Variants in MYLK3 observed in about 807,000 individuals in gnomAD.
MYLK3 encodes myosin light chain kinase 3.
MYLK3 carries 55 observed loss-of-function variants against 76.3 expected under a neutral mutation model. The ratio of observed to expected loss-of-function variants is 0.72; its 90% confidence interval spans 0.58 to 0.90. The LOEUF (loss-of-function observed/expected upper bound fraction) is 0.90. MYLK3 is among the 40% of genes least tolerant of loss of function. The probability of loss-of-function intolerance (pLI) is 0.00; values close to 1 mark genes in which losing one functional copy is unlikely to be tolerated. For synonymous variants in MYLK3, 416 were observed against 425.4 expected (o/e 0.98, Z 0.27); for missense variants, 973 against 1,053.6 (o/e 0.92, Z 1.06).
chr16:46,732,467 G>A lies in MYLK3; in HGVS notation c.1203C>T (p.Ser401=), dbSNP rs760875456. The A allele has an allele frequency of 1.9e-6, 3 of 1,611,286 alleles. No individual in the cohort carries two copies. Among genetic ancestry groups the A allele is most frequent in the Non-Finnish European group, 2.5e-6 (3 of 1,179,994 alleles). The change falls in exon 4 of 13, where the codon TCC becomes TCT. Residue 401 remains serine (S), a synonymous_variant. Transcript: ENST00000394809. ...EQTPEGAREL[S]PLQESSSPGG... ...CGGGGCTGCTGCTCTCCTGCAGCGGGGAGAGCTCTCTGGCTCCTTCAGGGG... is the reference window on the plus strand; with the variant it reads ...CGGGGCTGCTGCTCTCCTGCAGCGGAGAGAGCTCTCTGGCTCCTTCAGGGG...
At chr16:46,751,667 G>T (rs1191872458), upstream of MYLK3, among the ~76,000 whole-genome samples, 2 of 152,170 alleles carry the variant, frequency 1.3e-5, no homozygotes, top group African/African-American at 4.8e-5. Flanking sequence ...TGTGGAAGGA[G>T]GAGGCCTCAA....
At position 46,732,623 on chromosome 16, in the gene MYLK3, C is replaced by G. The variant is rs777509550; in HGVS notation, c.1047G>C (p.Leu349=). ...GTCCAAGGCTGCCCCTGCCTGTCAT[C>G]AGCATCTCCCCAGGAGTATCCATCT... ...IQEMDTPGEM[L]MTGRGSLGPT... Residue 349 remains leucine, a synonymous_variant, in exon 4 of 13, where the codon CTG becomes CTC. Coordinates refer to ENST00000394809, the MANE Select transcript of MYLK3 (RefSeq NM_182493.3). 7.0e-6 allele frequency: 11 copies of G among 1,568,768 alleles called. No homozygotes were observed. Among genetic ancestry groups the G allele is most frequent in the Non-Finnish European group, 9.4e-6 (11 of 1,164,106 alleles).
chr16:46,748,297 C>T lies in MYLK3; in HGVS notation c.-104G>A. 2 of 1,458,394 alleles carry T rather than the reference C, an allele frequency of 1.4e-6. No homozygotes were observed. Among genetic ancestry groups the T allele is most frequent in the Non-Finnish European group, 1.8e-6 (2 of 1,108,786 alleles). The allele number at this position is 1,458,394 out of a possible 1,614,324, so 90.3% of individuals were successfully genotyped here. On this transcript the variant is annotated 5_prime_UTR_variant, in exon 1 of 13. Coordinates refer to ENST00000394809, the MANE Select transcript of MYLK3 (RefSeq NM_182493.3). The surrounding 1 kb of genome is among the most constrained non-coding windows in gnomAD (Gnocchi z 4.3). ...TCTGCAAGGTCATTGTCCTCCGTAGCTGACAGACTCCTGGCAGCACCAACC... is the reference window on the plus strand; with the variant it reads ...TCTGCAAGGTCATTGTCCTCCGTAGTTGACAGACTCCTGGCAGCACCAACC...
chr16:46,727,386 G>A lies in MYLK3; in HGVS notation c.1773-9C>T. ...GCTCACCCCCGTCCACGCTGCCAGA[G>A]CAAAGGGAGAGGCAGGCACCAGCCT... On this transcript the variant is annotated splice_polypyrimidine_tract_variant and intron_variant, in intron 7 of 12. Transcript: ENST00000394809. 6.2e-7 allele frequency: 1 copy of A among 1,600,600 alleles called. No individual in the cohort carries two copies. The highest frequency in any genetic ancestry group is 1.3e-5 in the African/African-American group (1 of 74,866).
intron 9 of MYLK3, among the ~76,000 whole-genome samples, chr16:46,718,568 C>T (rs926271230): frequency 6.6e-6 from 1 of 152,214 alleles, no homozygotes; most frequent in South Asian, 2.1e-4. Flanking sequence ...TGAGCTCAGG[C>T]GCGCGGCTCT....
Position 46,712,701 on chromosome 16 carries a change from C to T in MYLK3, c.2061G>A (p.Glu687=). Residue 687 remains glutamate (E), a synonymous_variant, in exon 10 of 13, where the codon GAG becomes GAA. Transcript: ENST00000394809. ...ACATGTCTGTGGGGAATGAGACAAACTCATAATTGACGACTTCTGGGGCCA... is the reference window on the plus strand; with the variant it reads ...ACATGTCTGTGGGGAATGAGACAAATTCATAATTGACGACTTCTGGGGCCA... ...EFLAPEVVNY[E]FVSFPTDMWS... The T allele has an allele frequency of 1.3e-6, 2 of 1,597,364 alleles. No homozygotes were observed. The highest frequency in any genetic ancestry group is 1.7e-5 in the Admixed American group (1 of 57,952).
intron 3 of MYLK3, among the ~76,000 whole-genome samples, chr16:46,737,335 G>A (rs1044979061): frequency 6.6e-6 from 1 of 152,226 alleles, no homozygotes; most frequent in African/African-American, 2.4e-5. Context: ...CTCAGGGGCA[G>A]GTGCTCCGTG....
chr16:46,721,286 A>C, intron 8 of MYLK3, 93 bp from the exon 9 acceptor site: 1 of 1,220,328 alleles, frequency 8.2e-7, no homozygotes, highest in South Asian at 1.2e-5. Flanking sequence ...TCCAGCCTTC[A>C]AGGGACATGA....
intron 1 of MYLK3, chr16:46,757,521 G>T (rs1967216408): frequency 1.0e-6 from 1 of 985,314 alleles, no homozygotes; most frequent in East Asian, 1.1e-4. Context: ...ATCAGCCACT[G>T]TGACTGTGCC....
At position 46,754,901 on chromosome 16, in the gene MYLK3, C is replaced by CT. The variant is rs35429909; in HGVS notation, c.-114+8138dup. ...TTTGCAAAAATGCAAACAATTCGTG[C>CT]TTTTTTTTTTTTTGAGACATGGTCT... On this transcript the variant is annotated intron_variant, in intron 1 of 11. Coordinates refer to the MYLK3 transcript ENST00000536476. Among the ~76,000 whole-genome samples, 631 of 144,004 alleles carry CT rather than the reference C, an allele frequency of 4.4e-3. 2 individuals carry two copies. Among genetic ancestry groups the CT allele is most frequent in the Non-Finnish European group, 5.4e-3 (355 of 65,280 alleles). The allele number at this position is 144,004 out of a possible 152,430, so 94.5% of individuals were successfully genotyped here.
In MYLK3 at chr16:46,729,808, T is replaced by G. The variant is rs1247195749; in HGVS notation, c.1569-121A>C. 10 of 823,016 alleles carry G rather than the reference T, an allele frequency of 1.2e-5. No homozygotes were observed. The East Asian group carries it at 2.3e-4, about 19-fold the overall frequency. The allele number at this position is 823,016 out of a possible 1,614,324, so 51.0% of individuals were successfully genotyped here. A position where few individuals can be genotyped will look rare whatever the true frequency, so the allele number is the denominator to read the frequency against. ...ATGTGGACCATCCTACATCCCAGAG[T>G]GCAGCCTGTCATCACCCCAAAACCC... On this transcript the variant is annotated intron_variant, in intron 5 of 12. Transcript: ENST00000394809.
intron 9 of MYLK3, among the ~76,000 whole-genome samples, chr16:46,718,756 A>C (rs1197070572): frequency 6.6e-6 from 1 of 152,092 alleles, no homozygotes; most frequent in Non-Finnish European, 1.5e-5. Context: ...ACTTGAAGTC[A>C]GGAGTTCAAG....
rs1966698540 is a variant in MYLK3, at chr16:46,712,867, C to T, written c.1986-91G>A. On this transcript the variant is annotated intron_variant, in intron 9 of 12. Coordinates refer to ENST00000394809, the MANE Select transcript of MYLK3 (RefSeq NM_182493.3). ...ATTTCTGGTGGGATGCAGACATTCCCCACTTCCCATCAGCCATATGGCCTG... is the reference window on the plus strand; with the variant it reads ...ATTTCTGGTGGGATGCAGACATTCCTCACTTCCCATCAGCCATATGGCCTG... The T allele has an allele frequency of 1.8e-5, 23 of 1,314,040 alleles. No individual in the cohort carries two copies. In the South Asian group the frequency reaches 3.5e-4, roughly 20 times the overall value. The allele number at this position is 1,314,040 out of a possible 1,614,324, so 81.4% of individuals were successfully genotyped here.
intron 1 of MYLK3, among the ~76,000 whole-genome samples, chr16:46,744,275 G>T (rs182877461): frequency 0.023 from 3,068 of 134,008 alleles, 38 homozygotes; most frequent in Non-Finnish European, 0.036. Context: ...CTCGTGATCT[G>T]CCCACCTTGG....
At chr16:46,757,467 G>A in intron 1 of MYLK3, 1 of 985,456 alleles carries the variant, frequency 1.0e-6, no homozygotes, top group Non-Finnish European at 1.2e-6. Context: ...GGCCTCTGGT[G>A]CTGGGACCGC....
At chr16:46,726,693 G>GAAAGAAAA (rs1966841961) in intron 8 of MYLK3, 1 of 129,864 alleles carries the variant, frequency 7.7e-6, no homozygotes, top group African/African-American at 2.9e-5. Context: ...AAGAAAGAAA[G>GAAAGAAAA]AAAGAAAGAA....
At chr16:46,712,264 T>G (rs934892010) in intron 10 of MYLK3, among the ~76,000 whole-genome samples, 1 of 152,084 alleles carries the variant, frequency 6.6e-6, no homozygotes, top group Non-Finnish European at 1.5e-5. Flanking sequence ...AGTGCTGCGA[T>G]TACAGGCATG....
chr16:46,760,878 C>T (rs1967267650), intron 1 of MYLK3, among the ~76,000 whole-genome samples: 1 of 152,118 alleles, frequency 6.6e-6, no homozygotes, highest in South Asian at 2.1e-4. Context: ...GACCCTCAGG[C>T]AGCCGCAGGA....
intron 1 of MYLK3, among the ~76,000 whole-genome samples, chr16:46,755,255 T>C (rs1249000850): frequency 2.6e-5 from 4 of 151,244 alleles, no homozygotes; most frequent in Non-Finnish European, 5.9e-5. Context: ...AATGAGGGGG[T>C]AAACAGCCTG....
Sources: allele counts gnomAD v4.1 joint callset (sites outside exome capture counted in the v4.1 genomes callset), GRCh38; gene constraint gnomAD v4.1.1; non-coding constraint Gnocchi (gnomAD v3.1); transcripts MANE v1.5; gene names NCBI Gene and HGNC (gene_info 2026-07-23, HGNC 2026-07-21).